Variants in EML5 observed in about 807,000 individuals in gnomAD.
The protein encoded by EML5 is echinoderm microtubule-associated protein-like 5.
A neutral mutation model predicts 250.0 loss-of-function variants in EML5; 120 were observed. The observed-to-expected ratio is 0.48, with a 90% confidence interval of 0.41 to 0.56. The LOEUF is 0.56. Ranked by LOEUF, EML5 falls within the 20% of genes least tolerant of loss-of-function variation. EML5 has a pLI of 0.00. For missense variants in EML5, 2,006 were observed against 2,437.6 expected (o/e 0.82, Z 3.73); for synonymous variants, 771 against 806.5 (o/e 0.96, Z 0.75).
intron 27 of EML5, among the ~76,000 whole-genome samples, chr14:88,653,624 C>A (rs1008125074): frequency 2.6e-4 from 40 of 152,174 alleles, no homozygotes; most frequent in African/African-American, 8.9e-4. Flanking sequence ...GTTGAATGAG[C>A]TTTGCATCCC....
intron 14 of EML5, among the ~76,000 whole-genome samples, chr14:88,701,336 G>A (rs896017940): frequency 5.9e-5 from 9 of 152,078 alleles, no homozygotes; most frequent in African/African-American, 2.2e-4. Context: ...AACATCAATA[G>A]TGCTAAGGTA....
intron 8 of EML5, among the ~76,000 whole-genome samples, chr14:88,718,048 G>A (rs923761963): frequency 6.6e-6 from 1 of 152,192 alleles, no homozygotes; most frequent in African/African-American, 2.4e-5. Context: ...ATTACAGATG[G>A]TGGGTTCAGG....
chr14:88,707,218 A>G (rs1027188468), intron 10 of EML5, among the ~76,000 whole-genome samples: 2 of 152,102 alleles, frequency 1.3e-5, no homozygotes, highest in African/African-American at 4.8e-5. Flanking sequence ...TAAAGGAATC[A>G]TTTAACTTTG....
chr14:88,732,102 G>A (rs1249501283), intron 7 of EML5, among the ~76,000 whole-genome samples: 1 of 152,108 alleles, frequency 6.6e-6, no homozygotes, highest in East Asian at 1.9e-4. Context: ...GGCTTTTGTT[G>A]CCATTGCTTT....
chr14:88,776,147 G>T (rs1320380769), intron 1 of EML5, among the ~76,000 whole-genome samples: 3 of 152,260 alleles, frequency 2.0e-5, no homozygotes, highest in Non-Finnish European at 1.5e-5. Flanking sequence ...CCCTAGGACA[G>T]GTACAAACAA....
chr14:88,663,289 T>C (rs2092191080), intron 23 of EML5, among the ~76,000 whole-genome samples, 170 bp from the exon 24 acceptor site: 2 of 152,206 alleles, frequency 1.3e-5, no homozygotes. Flanking sequence ...TCCATATTAC[T>C]AAGTAACTAA....
chr14:88,695,516 A>C, intron 15 of EML5, 62 bp from the exon 16 acceptor site: 1 of 1,437,616 alleles, frequency 7.0e-7, no homozygotes, highest in Non-Finnish European at 9.6e-7. Flanking sequence ...GAAAACATTC[A>C]GTATATATTC....
chr14:88,761,256 GT>G (rs1181696811), intron 1 of EML5, among the ~76,000 whole-genome samples: 1 of 151,890 alleles, frequency 6.6e-6, no homozygotes, highest in Non-Finnish European at 1.5e-5. Flanking sequence ...GAACGTGCAG[GT>G]TTGTTGCATA....
intron 23 of EML5, 27 bp downstream of exon 23, chr14:88,664,466 C>T (rs1270233910): frequency 6.4e-7 from 1 of 1,556,976 alleles, no homozygotes; most frequent in Admixed American, 2.1e-5. Flanking sequence ...AAACTTTTAT[C>T]AAGTATTAAG....
intron 33 of EML5, among the ~76,000 whole-genome samples, chr14:88,630,457 T>C (rs1030940753): frequency 6.6e-5 from 10 of 152,182 alleles, no homozygotes; most frequent in Admixed American, 2.6e-4. Flanking sequence ...CATCCTTTCT[T>C]CCTACCAAGG....
chr14:88,736,466 G>A lies in EML5; in HGVS notation c.947C>T (p.Pro316Leu). The A allele has an allele frequency of 3.7e-6, 6 of 1,613,954 alleles. No homozygotes were observed. The highest frequency in any genetic ancestry group is 5.1e-6 in the Non-Finnish European group (6 of 1,179,874). Residue 316 changes from proline (P) to leucine (L), a missense_variant, in exon 7 of 44, where the codon CCT becomes CTT. By Grantham distance (98) the Pro-to-Leu change is moderately conservative (BLOSUM62 -3). This residue lies in a region of EML5 where 1,375 missense variants were observed against 1,590.3 expected (regional missense o/e 0.86). Coordinates refer to ENST00000554922, the MANE Select transcript of EML5 (RefSeq NM_183387.3). ...ACAATGCCCTTGCATAATTAGAAAA[G>A]GTTTATTTCTTTCTTGCACCACAAT... is the stretch of plus-strand genomic sequence containing the variant. ...FEIVVQERNKPFLIMQGHCEG... is the reference protein window; with the variant it reads ...FEIVVQERNKLFLIMQGHCEG...
intron 37 of EML5, chr14:88,621,751 A>C (rs1264655960): frequency 2.0e-5 from 7 of 345,484 alleles, no homozygotes; most frequent in African/African-American, 1.5e-4. Flanking sequence ...CACGCTCAAA[A>C]ATTTTCATAG....
In EML5 at chr14:88,712,427, T is replaced by C; in HGVS notation, c.1501A>G (p.Thr501Ala). The C allele has an allele frequency of 6.2e-7, 1 of 1,613,670 alleles. No individual in the cohort carries two copies. Among genetic ancestry groups the C allele is most frequent in the Non-Finnish European group, 8.5e-7 (1 of 1,179,722 alleles). ...EIKGVHWASW[T>A]CVSGLEVNGI... ...TTTACTTCAAGGCCTGAAACACATG[T>C]CCATGAAGCCCAATGAACACCTTTT... is the stretch of plus-strand genomic sequence containing the variant. The change falls in exon 10 of 44, where the codon ACA becomes GCA. Residue 501 changes from threonine (T) to alanine (A), a missense_variant. Physicochemically the swap from Thr to Ala is moderately conservative, Grantham distance 58. Coordinates refer to ENST00000554922, the MANE Select transcript of EML5 (RefSeq NM_183387.3).
At chr14:88,641,505 A>G (rs1055683749) in intron 31 of EML5, among the ~76,000 whole-genome samples, 4 of 152,218 alleles carry the variant, frequency 2.6e-5, no homozygotes, top group African/African-American at 9.6e-5. Context: ...CTGGCATGCA[A>G]GGTTGGTTCA....
chr14:88,618,740 C>T lies in EML5; in HGVS notation c.5448G>A (p.Leu1816=). The T allele has an allele frequency of 6.2e-7, 1 of 1,606,730 alleles. No homozygotes were observed. The highest frequency in any genetic ancestry group is 2.2e-5 in the East Asian group (1 of 44,774). ...ENSVDFYDLT[L]GPTLNRISYC... ...AGCTGATTCTGTTAAGAGTGGGGCC[C>T]AGCGTTAGGTCATAAAAATCCACTG... The change falls in exon 40 of 44, where the codon CTG becomes CTA. Residue 1816 remains leucine (L), a synonymous_variant. Coordinates refer to ENST00000554922, the MANE Select transcript of EML5 (RefSeq NM_183387.3).
At chr14:88,757,968 T>C (rs553057193) in intron 1 of EML5, among the ~76,000 whole-genome samples, 1 of 151,584 alleles carries the variant, frequency 6.6e-6, no homozygotes, top group East Asian at 1.9e-4. Context: ...TCCTCCTGCT[T>C]TGGCCTCTCA....
intron 29 of EML5, among the ~76,000 whole-genome samples, chr14:88,645,299 T>C (rs567388201): frequency 2.6e-5 from 4 of 152,214 alleles, no homozygotes; most frequent in Non-Finnish European, 5.9e-5. Flanking sequence ...GTGCTGGGAT[T>C]AGAGGAGTGA....
rs2087007198 is a variant in EML5, at chr14:88,612,934, A to AG, written c.*2883dup. ...GGTTAGAAAAGTGGATTAATGCAAA[A>AG]GGGGTAATAAAGACTGCAACATTCT... On this transcript the variant is annotated 3_prime_UTR_variant, in exon 44 of 44. Transcript: ENST00000554922. The AG allele has an allele frequency of 6.6e-6, 1 of 152,496 alleles. No individual in the cohort carries two copies. The highest frequency in any genetic ancestry group is 1.5e-5 in the Non-Finnish European group (1 of 68,018). The allele number at this position is 152,496 out of a possible 1,614,324, so 9.4% of individuals were successfully genotyped here. A position where few individuals can be genotyped will look rare whatever the true frequency, so the allele number is the denominator to read the frequency against.
intron 1 of EML5, among the ~76,000 whole-genome samples, chr14:88,784,358 G>GT (rs889699829): frequency 2.6e-4 from 39 of 148,954 alleles, no homozygotes; most frequent in East Asian, 2.0e-3. Flanking sequence ...ACAAAAAGTT[G>GT]TTTTTTTTTA....
Sources: gnomAD v4.1 joint callset for allele counts (sites outside exome capture counted in the v4.1 genomes callset) on GRCh38, gnomAD v4.1.1 for gene constraint, gnomAD v4.1.1 regional missense constraint, MANE v1.5 for transcripts, NCBI Gene and HGNC (gene_info 2026-07-23, HGNC 2026-07-21) for gene names.